The following MEX3A variants were observed in gnomAD, a reference collection of about 807,000 sequenced individuals.
MEX3A encodes RNA-binding protein MEX3A.
MEX3A carries 4 observed loss-of-function variants against 30.0 expected under a neutral mutation model. That is an observed-to-expected ratio of 0.13 (90% CI 0.07 to 0.30). The LOEUF is 0.30. MEX3A is among the 10% of genes least tolerant of loss of function. The pLI, the probability that MEX3A is intolerant of heterozygous loss-of-function variation, is 1.00. For missense variants in MEX3A, 555 were observed against 736.7 expected, an observed-to-expected ratio of 0.75 and a Z score of 2.86; for synonymous variants, 335 against 327.6, an observed-to-expected ratio of 1.02 and a Z score of -0.24.
At position 156,081,856 on chromosome 1, in the gene MEX3A, A is replaced by G; in HGVS notation, c.143T>C (p.Leu48Pro). ...LQLALDQLCL[L>P]GLGEPPAPTA... ...GGGGGCGGGGGGCTCCCCCAAACCC[A>G]GGAGGCAGAGTTGATCGAGAGCCAG... is the stretch of plus-strand genomic sequence containing the variant. The change falls in exon 1 of 2, where the codon CTG (leucine) becomes CCG (proline). Residue 48 changes from leucine to proline, a missense_variant. Coordinates refer to ENST00000532414, the MANE Select transcript of MEX3A (RefSeq NM_001093725.2). 1 of 1,371,800 alleles carries G rather than the reference A, an allele frequency of 7.3e-7. No individual in the cohort carries two copies. Among genetic ancestry groups the G allele is most frequent in the Non-Finnish European group, 9.6e-7 (1 of 1,045,848 alleles). 85.0% of individuals were successfully genotyped at this position (1,371,800 alleles called of 1,614,324 possible).
chr1:156,079,210 C>G (rs561314930), intron 1 of MEX3A, among the ~76,000 whole-genome samples: 1 of 143,172 alleles, frequency 7.0e-6, no homozygotes, highest in Non-Finnish European at 1.5e-5. Context: ...CCCTCCCTCA[C>G]TTTTTTTGTT....
Position 156,081,729 on chromosome 1 carries a change from G to A in MEX3A, c.270C>T (p.Ala90=). ...GCGCTGCGGGGGCCGCCGTCGGGGC[G>A]GCCGGGGGCGCCGCGGGCGGCGGCG... ...APPPPPAAPP[A]APTAAPAAQT... Residue 90 remains alanine, a synonymous_variant, in exon 1 of 2, where the codon GCC becomes GCT. Transcript: ENST00000532414. The A allele has an allele frequency of 2.1e-6, 2 of 954,150 alleles. No homozygotes were observed. The highest frequency in any genetic ancestry group is 1.3e-6 in the Non-Finnish European group (1 of 789,776). The allele number at this position is 954,150 out of a possible 1,614,324, so 59.1% of individuals were successfully genotyped here.
In MEX3A at chr1:156,081,732, CG is replaced by C; in HGVS notation, c.266del (p.Pro89ArgfsTer38). On this transcript the variant is annotated frameshift_variant, in exon 1 of 2. Transcript: ENST00000532414. LOFTEE classifies it high-confidence loss of function. ...CTGCGGGGGCCGCCGTCGGGGCGGCCGGGGGCGCCGCGGGCGGCGGCGGCGG... is the reference window on the plus strand; with the variant it reads ...CTGCGGGGGCCGCCGTCGGGGCGGCCGGGGCGCCGCGGGCGGCGGCGGCGG... ...PAPPPPPAAP[P>X]AAPTAAPAAQ... is the part of the protein sequence containing the mutation. 6.5e-6 allele frequency: 6 copies of C among 925,132 alleles called. No individual in the cohort carries two copies. Among genetic ancestry groups the C allele is most frequent in the Non-Finnish European group, 6.5e-6 (5 of 769,172 alleles). The allele number at this position is 925,132 out of a possible 1,614,324, so 57.3% of individuals were successfully genotyped here.
At position 156,082,169 on chromosome 1, in the gene MEX3A, C is replaced by A. The variant is rs1302851876; in HGVS notation, c.-171G>T. On this transcript the variant is annotated 5_prime_UTR_variant, in exon 1 of 2. Coordinates refer to ENST00000532414, the MANE Select transcript of MEX3A (RefSeq NM_001093725.2). ...GCGAGATAGAAAGATAGACCCTCCC[C>A]CTAAGCCCCCCTCCCCAAACACCCT... Among the ~76,000 whole-genome samples the A allele has an allele frequency of 6.6e-6, 1 of 150,938 alleles. No homozygotes were observed. The highest frequency in any genetic ancestry group is 1.5e-5 in the Non-Finnish European group (1 of 67,522).
chr1:156,078,706 C>T (rs1648138002), intron 1 of MEX3A, among the ~76,000 whole-genome samples: 1 of 152,212 alleles, frequency 6.6e-6, no homozygotes, highest in Non-Finnish European at 1.5e-5. Flanking sequence ...CCTTCCTCTT[C>T]CCTGCTCCTA....
chr1:156,077,230 C>A lies in MEX3A; in HGVS notation c.907G>T (p.Asp303Tyr). ...GCGTCGGGGCTCCCCGCCAGGAAGT[C>A]GTTTTCATTGTTGTACTCGAGGATC... ...GKILEYNNENDFLAGSPDAAI... is the reference protein window; with the variant it reads ...GKILEYNNENYFLAGSPDAAI... The change falls in exon 2 of 2, where the codon GAC becomes TAC. Residue 303 changes from aspartate (D) to tyrosine (Y), a missense_variant. By Grantham distance (160) the Asp-to-Tyr change is radical (BLOSUM62 -3). Transcript: ENST00000532414. The surrounding 1 kb of genome is among the most constrained non-coding windows in gnomAD (Gnocchi z 8.3). 6.2e-7 allele frequency: 1 copy of A among 1,613,716 alleles called. No homozygotes were observed. The highest frequency in any genetic ancestry group is 1.1e-5 in the South Asian group (1 of 91,070).
rs1401818265 is a variant in MEX3A at position 156,082,015 on chromosome 1, GGGGAGAGAGAGA to G, written c.-29_-18del. ...ACTAGGCATGGCGAAACAAAAGCTG[GGGGAGAGAGAGA>G]GGGAGAGAGAGAGAGAGAGGTGGTG... On this transcript the variant is annotated 5_prime_UTR_variant, in exon 1 of 2. Coordinates refer to ENST00000532414, the MANE Select transcript of MEX3A (RefSeq NM_001093725.2). The G allele has an allele frequency of 9.5e-6, 14 of 1,476,070 alleles. No individual in the cohort carries two copies. Among genetic ancestry groups the G allele is most frequent in the South Asian group, 7.9e-5 (6 of 75,488 alleles). The allele number at this position is 1,476,070 out of a possible 1,614,324, so 91.4% of individuals were successfully genotyped here.
intron 1 of MEX3A, among the ~76,000 whole-genome samples, chr1:156,080,153 C>T (rs1162645434): frequency 6.6e-6 from 1 of 152,198 alleles, no homozygotes; most frequent in African/African-American, 2.4e-5. Flanking sequence ...CCAAGACCAC[C>T]CCCACACCCA....
rs749568032 is a variant in MEX3A, at chr1:156,077,399, G to A, written c.738C>T (p.Ile246=). ...TGTTGGTTTGCTGCTGGATGCGCTTGATGGTTGCCCCTTTGGGGCCCACCA... is the reference window on the plus strand; with the variant it reads ...TGTTGGTTTGCTGCTGGATGCGCTTAATGGTTGCCCCTTTGGGGCCCACCA... ...GLVVGPKGAT[I]KRIQQQTNTY... The change falls in exon 2 of 2, where the codon ATC becomes ATT. Residue 246 remains isoleucine (I), a synonymous_variant. Coordinates refer to ENST00000532414, the MANE Select transcript of MEX3A (RefSeq NM_001093725.2). This position sits in a 1 kb window ranked among gnomAD's most constrained non-coding sequence, Gnocchi z 8.3. 1 of 1,613,526 alleles carries A rather than the reference G, an allele frequency of 6.2e-7. No individual in the cohort carries two copies. The highest frequency in any genetic ancestry group is 1.3e-5 in the African/African-American group (1 of 74,946).
rs1176240329 is a variant in MEX3A at position 156,073,959 on chromosome 1, G to C, written c.*2615C>G. On this transcript the variant is annotated 3_prime_UTR_variant, in exon 2 of 2. Coordinates refer to ENST00000532414, the MANE Select transcript of MEX3A (RefSeq NM_001093725.2). ...GCTCTGCCGGCTCCCCTGAGGGGGA[G>C]GGGGAGAGGGGAGGAGGAGTCCATG... 3 of 152,660 alleles carry C rather than the reference G, an allele frequency of 2.0e-5. No individual in the cohort carries two copies. Among genetic ancestry groups the C allele is most frequent in the Non-Finnish European group, 2.9e-5 (2 of 68,094 alleles). 9.5% of individuals were successfully genotyped at this position (152,660 alleles called of 1,614,324 possible).
In MEX3A at chr1:156,075,319, CG is replaced by C. The variant is rs1421764043; in HGVS notation, c.*1254del. On this transcript the variant is annotated 3_prime_UTR_variant, in exon 2 of 2. Coordinates refer to ENST00000532414, the MANE Select transcript of MEX3A (RefSeq NM_001093725.2). ...TCAGGTTGAGAGGGGTGCAGGGAGT[CG>C]GGCACTGCATGGGAGGAGCAGCTCT... 1 of 152,282 alleles carries C rather than the reference CG, an allele frequency of 6.6e-6. No homozygotes were observed. Among genetic ancestry groups the C allele is most frequent in the Non-Finnish European group, 1.5e-5 (1 of 68,016 alleles). The allele number at this position is 152,282 out of a possible 1,614,324, so 9.4% of individuals were successfully genotyped here.
At chr1:156,079,076 C>T (rs769031087) in intron 1 of MEX3A, among the ~76,000 whole-genome samples, 1 of 152,208 alleles carries the variant, frequency 6.6e-6, no homozygotes, top group Non-Finnish European at 1.5e-5. Flanking sequence ...TTTTCTGCCT[C>T]TGCCCCAACC....
At position 156,081,112 on chromosome 1, in the gene MEX3A, C is replaced by G. The variant is rs565555281; in HGVS notation, c.454+433G>C. 5.7e-4 allele frequency among the ~76,000 whole-genome samples: 87 copies of G among 152,318 alleles called. 3 individuals carry two copies. The South Asian group carries it at 0.017, about 30-fold the overall frequency. ...TCTGGCTTCGAGGGCCAGGTCTCCC[C>G]CAAAGTCTGTAACTCCAGGCGGCTG... On this transcript the variant is annotated intron_variant, in intron 1 of 1. Coordinates refer to ENST00000532414, the MANE Select transcript of MEX3A (RefSeq NM_001093725.2).
At position 156,073,303 on chromosome 1, in the gene MEX3A, T is replaced by C. The variant is rs1325277555; in HGVS notation, c.*3271A>G. ...TGCCCCCAACCCAGCCCCTGTCTTATTGAGATGATCAGTGTGCATCCTTTC... is the reference window on the plus strand; with the variant it reads ...TGCCCCCAACCCAGCCCCTGTCTTACTGAGATGATCAGTGTGCATCCTTTC... On this transcript the variant is annotated 3_prime_UTR_variant, in exon 2 of 2. Transcript: ENST00000532414. 1 of 152,776 alleles carries C rather than the reference T, an allele frequency of 6.5e-6. No homozygotes were observed. Among genetic ancestry groups the C allele is most frequent in the Admixed American group, 6.5e-5 (1 of 15,274 alleles). The allele number at this position is 152,776 out of a possible 1,614,324, so 9.5% of individuals were successfully genotyped here. A position where few individuals can be genotyped will look rare whatever the true frequency, so the allele number is the denominator to read the frequency against.
In MEX3A at chr1:156,076,868, C is replaced by T. The variant is rs763107658; in HGVS notation, c.1269G>A (p.Pro423=). The T allele has an allele frequency of 1.1e-4, 166 of 1,537,560 alleles. No individual in the cohort carries two copies. The highest frequency in any genetic ancestry group is 1.3e-4 in the Non-Finnish European group (152 of 1,141,584). The change falls in exon 2 of 2, where the codon CCG becomes CCA. Residue 423 remains proline (P), a synonymous_variant. Transcript: ENST00000532414. The surrounding 1 kb of genome is among the most constrained non-coding windows in gnomAD (Gnocchi z 6.0). ...AAGTGGCAGGGGAGCGGTGTGCGCCCGGGGGCCCAGCGCGGGCCTTGGCGG... is the reference window on the plus strand; with the variant it reads ...AAGTGGCAGGGGAGCGGTGTGCGCCTGGGGGCCCAGCGCGGGCCTTGGCGG... ...SSSAKARAGP[P]GAHRSPATSA...
rs1283443455 is a variant in MEX3A at position 156,076,915 on chromosome 1, C to G, written c.1222G>C (p.Ala408Pro). 1 of 1,582,232 alleles carries G rather than the reference C, an allele frequency of 6.3e-7. No homozygotes were observed. Among genetic ancestry groups the G allele is most frequent in the African/African-American group, 1.4e-5 (1 of 73,976 alleles). Reference sequence around the variant, plus strand: ...GCGGAAGAGGAGGAGGAGGAGGAGGCAGAGGAGAAGAGCACGGAGGTGGGC... The same window carrying G: ...GCGGAAGAGGAGGAGGAGGAGGAGGGAGAGGAGAAGAGCACGGAGGTGGGC... Reference protein sequence around the residue: ...ATPTSVLFSSASSSSSSSAKA... With the variant: ...ATPTSVLFSSPSSSSSSSAKA... The change falls in exon 2 of 2, where the codon GCC becomes CCC. Residue 408 changes from alanine (A) to proline (P), a missense_variant. Physicochemically the swap from Ala to Pro is conservative, Grantham distance 27. This residue lies in a region of MEX3A where 281 missense variants were observed against 265.1 expected (regional missense o/e 1.06). Coordinates refer to ENST00000532414, the MANE Select transcript of MEX3A (RefSeq NM_001093725.2). The surrounding 1 kb of genome is among the most constrained non-coding windows in gnomAD (Gnocchi z 6.0).
intron 1 of MEX3A, among the ~76,000 whole-genome samples, chr1:156,081,011 C>T (rs917064291): frequency 7.9e-5 from 12 of 152,280 alleles, no homozygotes; most frequent in Non-Finnish European, 1.6e-4. Context: ...CCGCCTCTTC[C>T]CCAGGCTGGG....
chr1:156,078,486 C>T (rs937846413), intron 1 of MEX3A, among the ~76,000 whole-genome samples: 6 of 151,880 alleles, frequency 4.0e-5, no homozygotes, highest in Admixed American at 6.6e-5. Context: ...GGGCTGAGTA[C>T]GGTGAGGGAG....
rs1648249298 is a variant in MEX3A at position 156,081,720 on chromosome 1, C to T, written c.279G>A (p.Thr93=). Reference sequence around the variant, plus strand: ...GGGGCGTCTGCGCTGCGGGGGCCGCCGTCGGGGCGGCCGGGGGCGCCGCGG... The same window carrying T: ...GGGGCGTCTGCGCTGCGGGGGCCGCTGTCGGGGCGGCCGGGGGCGCCGCGG... The part of the protein sequence containing the change: ...PPPAAPPAAP[T]AAPAAQTPQP... Residue 93 remains threonine (T), a synonymous_variant, in exon 1 of 2, where the codon ACG becomes ACA. Transcript: ENST00000532414. 8.5e-6 allele frequency: 9 copies of T among 1,060,628 alleles called. No homozygotes were observed. Among genetic ancestry groups the T allele is most frequent in the Non-Finnish European group, 1.0e-5 (9 of 863,978 alleles). 65.7% of individuals were successfully genotyped at this position (1,060,628 alleles called of 1,614,324 possible). A position where few individuals can be genotyped will look rare whatever the true frequency, so the allele number is the denominator to read the frequency against.
Sources: gnomAD v4.1 joint callset for allele counts (sites outside exome capture counted in the v4.1 genomes callset) on GRCh38, gnomAD v4.1.1 for gene constraint, gnomAD v4.1.1 regional missense constraint, Gnocchi (gnomAD v3.1) non-coding constraint, MANE v1.5 for transcripts, NCBI Gene and HGNC (gene_info 2026-07-23, HGNC 2026-07-21) for gene names.